ACVR2A: variants seen among roughly 807,000 people sequenced by gnomAD.
ACVR2A encodes the protein activin receptor type-2A.
A neutral mutation model predicts 61.4 loss-of-function variants in ACVR2A; 7 were observed. That is an observed-to-expected ratio of 0.11 (90% CI 0.06 to 0.21). ACVR2A has a LOEUF of 0.21. Ranked by LOEUF, ACVR2A falls within the 10% of genes least tolerant of loss-of-function variation. The probability of loss-of-function intolerance (pLI) is 1.00; values close to 1 mark genes in which losing one functional copy is unlikely to be tolerated. For missense variants in ACVR2A, 322 were observed against 621.7 expected, an observed-to-expected ratio of 0.52 and a Z score of 5.13; for synonymous variants, 193 against 208.3, an observed-to-expected ratio of 0.93 and a Z score of 0.63.
At chr2:147,860,491 A>G (rs1244228449) in intron 1 of ACVR2A, among the ~76,000 whole-genome samples, 1 of 152,194 alleles carries the variant, frequency 6.6e-6, no homozygotes, top group East Asian at 1.9e-4. Context: ...GCCTGTCTTA[A>G]GCAACACTTG....
At chr2:147,881,196 G>C (rs749067032) in intron 1 of ACVR2A, among the ~76,000 whole-genome samples, 1 of 152,114 alleles carries the variant, frequency 6.6e-6, no homozygotes, top group Admixed American at 6.6e-5. Flanking sequence ...TGATAAATCC[G>C]AAGTTTTGTG....
intron 4 of ACVR2A, among the ~76,000 whole-genome samples, chr2:147,910,304 T>C (rs1027695025): frequency 2.6e-5 from 4 of 152,162 alleles, no homozygotes; most frequent in African/African-American, 9.7e-5. Flanking sequence ...GTCATCTTTA[T>C]AGTGTCATCT....
chr2:147,890,815 A>G (rs2105183116), intron 1 of ACVR2A, among the ~76,000 whole-genome samples: 1 of 152,252 alleles, frequency 6.6e-6, no homozygotes, highest in South Asian at 2.1e-4. Context: ...TATTTTTATA[A>G]TCATGATGTT....
At chr2:147,848,927 G>C (rs1395787822) in intron 1 of ACVR2A, among the ~76,000 whole-genome samples, 1 of 152,050 alleles carries the variant, frequency 6.6e-6, no homozygotes, top group Admixed American at 6.6e-5. Context: ...AATTTTACAA[G>C]TACATGGTAT....
chr2:147,851,508 T>C (rs41468049), intron 1 of ACVR2A, among the ~76,000 whole-genome samples: 2,959 of 152,214 alleles, frequency 0.019, 46 homozygotes, highest in African/African-American at 0.044. Context: ...CAGACTTGAC[T>C]TGCAGTTTCT....
chr2:147,890,502 CAT>C (rs1216228864), intron 1 of ACVR2A, among the ~76,000 whole-genome samples: 1 of 152,102 alleles, frequency 6.6e-6, no homozygotes, highest in African/African-American at 2.4e-5. Flanking sequence ...GGCACTCAGA[CAT>C]ATGAATGTGA....
intron 9 of ACVR2A, among the ~76,000 whole-genome samples, chr2:147,924,415 A>G (rs1024100044): frequency 3.3e-5 from 5 of 152,012 alleles, no homozygotes; most frequent in African/African-American, 9.7e-5. Context: ...TCCCCAGTAC[A>G]TAGGTATTCA....
In ACVR2A at chr2:147,904,461, G is replaced by A. The variant is rs371600158; in HGVS notation, c.528+4563G>A. ...AAATGACCTACCTTTAACAAGGCAC[G>A]AAGTTAGCTTCTTGTTTACTTTTAA... On this transcript the variant is annotated intron_variant, in intron 4 of 10. Coordinates refer to ENST00000241416, the MANE Select transcript of ACVR2A (RefSeq NM_001616.5). Among the ~76,000 whole-genome samples the A allele has an allele frequency of 9.2e-5, 14 of 152,064 alleles. No individual in the cohort carries two copies. In the East Asian group the frequency reaches 2.7e-3, roughly 29 times the overall value.
intron 1 of ACVR2A, among the ~76,000 whole-genome samples, chr2:147,883,366 T>G (rs1686356133): frequency 6.6e-6 from 1 of 152,156 alleles, no homozygotes; most frequent in Non-Finnish European, 1.5e-5. Flanking sequence ...AATTTTTGTA[T>G]TTTTGGTAGA....
intron 8 of ACVR2A, among the ~76,000 whole-genome samples, chr2:147,920,953 A>G (rs1038483928): frequency 6.6e-6 from 1 of 152,200 alleles, no homozygotes; most frequent in Admixed American, 6.5e-5. Flanking sequence ...AGGGAAAAGA[A>G]CATTATCCAT....
At chr2:147,864,715 A>G (rs1167900247) in intron 1 of ACVR2A, among the ~76,000 whole-genome samples, 1 of 152,252 alleles carries the variant, frequency 6.6e-6, no homozygotes, top group Non-Finnish European at 1.5e-5. Flanking sequence ...GATGGAATTT[A>G]TAGAAAACCA....
chr2:147,845,027 T>TTTTTTTTTTTTGTG, upstream of ACVR2A: 1 of 241,322 alleles, frequency 4.1e-6, no homozygotes, highest in Non-Finnish European at 8.1e-6. Flanking sequence ...TTTTTTTTTT[T>TTTTTTTTTTTTGTG]GGTCTGGGCT....
In ACVR2A at chr2:147,899,728, C is replaced by A; in HGVS notation, c.374-16C>A. On this transcript the variant is annotated splice_polypyrimidine_tract_variant and intron_variant, in intron 3 of 10. Transcript: ENST00000241416. ...GTAGACCAAATCTGAGTTATTTTTC[C>A]CCCCCTTTTCCACAGCCACTTCAAA... 1 of 1,608,932 alleles carries A rather than the reference C, an allele frequency of 6.2e-7. No homozygotes were observed. Among genetic ancestry groups the A allele is most frequent in the Non-Finnish European group, 8.5e-7 (1 of 1,177,508 alleles).
chr2:147,850,155 T>C (rs1685409209), intron 1 of ACVR2A, among the ~76,000 whole-genome samples: 1 of 152,106 alleles, frequency 6.6e-6, no homozygotes, highest in Non-Finnish European at 1.5e-5. Flanking sequence ...TTGTTCCCTT[T>C]CCATTTTCCT....
chr2:147,923,707 A>C (rs146573471), intron 9 of ACVR2A, among the ~76,000 whole-genome samples: 1 of 152,110 alleles, frequency 6.6e-6, no homozygotes, highest in East Asian at 1.9e-4. Flanking sequence ...TAAGGTCTTT[A>C]CTCTGTCTTC....
intron 1 of ACVR2A, among the ~76,000 whole-genome samples, chr2:147,886,484 A>T (rs563712072): frequency 5.9e-5 from 9 of 152,200 alleles, no homozygotes; most frequent in Admixed American, 1.3e-4. Flanking sequence ...TTCCCGAAAC[A>T]GTTCTTATTT....
intron 9 of ACVR2A, among the ~76,000 whole-genome samples, chr2:147,924,439 G>A (rs1445403536): frequency 1.3e-5 from 2 of 151,930 alleles, no homozygotes; most frequent in Non-Finnish European, 2.9e-5. Flanking sequence ...AATGTTTCTG[G>A]GTTAGTGCAA....
intron 1 of ACVR2A, among the ~76,000 whole-genome samples, chr2:147,868,137 G>A (rs1573920330): frequency 1.3e-5 from 2 of 152,046 alleles, no homozygotes; most frequent in South Asian, 2.1e-4. Context: ...TGGTGGAATC[G>A]GCGCCCAGTT....
rs967781829 is a variant in ACVR2A at position 147,852,590 on chromosome 2, G to T, written c.55+7383G>T. Among the ~76,000 whole-genome samples, 6 of 152,240 alleles carry T rather than the reference G, an allele frequency of 3.9e-5. No homozygotes were observed. The South Asian group carries it at 1.0e-3, about 26-fold the overall frequency. On this transcript the variant is annotated intron_variant, in intron 1 of 10. Transcript: ENST00000241416. ...TATAGGGAAAACTGGTCTCAAGGGA[G>T]AACATGGCTCTTCCCTGATTAAGGT...
Sources: allele counts gnomAD v4.1 joint callset (sites outside exome capture counted in the v4.1 genomes callset), GRCh38; gene constraint gnomAD v4.1.1; transcripts MANE v1.5; gene names NCBI Gene and HGNC (gene_info 2026-07-23, HGNC 2026-07-21).